The following KAZN variants were observed in gnomAD, a reference collection of about 807,000 sequenced individuals.
KAZN encodes kazrin.
Under a neutral mutation model 87.4 loss-of-function variants are expected in KAZN, and 40 were observed. The ratio of observed to expected loss-of-function variants is 0.46; its 90% CI spans 0.36 to 0.60. The LOEUF (loss-of-function observed/expected upper bound fraction) is 0.60. Ranked by LOEUF, KAZN falls within the 20% of genes least tolerant of loss-of-function variation. The pLI is 0.00. For synonymous variants in KAZN, 466 were observed against 458.3 expected (o/e 1.02, Z -0.22); for missense variants, 898 against 1,073.9 (o/e 0.84, Z 2.29).
At chr1:14,182,295 T>C (rs1557543128) in intron 2 of KAZN, among the ~76,000 whole-genome samples, 1 of 152,176 alleles carries the variant, frequency 6.6e-6, no homozygotes, top group African/African-American at 2.4e-5. Flanking sequence ...TTACATCTTC[T>C]TCCTCTTTCC....
At chr1:14,665,015 A>G (rs1421121843) in intron 1 of KAZN, among the ~76,000 whole-genome samples, 1 of 152,176 alleles carries the variant, frequency 6.6e-6, no homozygotes, top group Non-Finnish European at 1.5e-5. Context: ...AGTGTTTGAG[A>G]ACCAACAGCA....
At chr1:14,353,302 G>T (rs1054744811) in intron 2 of KAZN, among the ~76,000 whole-genome samples, 1 of 148,976 alleles carries the variant, frequency 6.7e-6, no homozygotes, top group African/African-American at 2.5e-5. Context: ...TTGGCTCACT[G>T]CAAGCTCTGC....
intron 2 of KAZN, among the ~76,000 whole-genome samples, chr1:14,482,681 T>A (rs1669146354): frequency 6.6e-6 from 1 of 151,478 alleles, no homozygotes; most frequent in Non-Finnish European, 1.5e-5. Context: ...GGGTGAGGGG[T>A]CTTTATGGAG....
At position 14,720,760 on chromosome 1, in the gene KAZN, A is replaced by G. The variant is rs527378409; in HGVS notation, c.226+121537A>G. On this transcript the variant is annotated intron_variant, in intron 1 of 14. Coordinates refer to ENST00000376030, the MANE Select transcript of KAZN (RefSeq NM_201628.3). ...GAGATGGAGTCTCACTCTGTCGCCC[A>G]GGCTGGAGTGCAGTGGCAGGATCTT... is the stretch of plus-strand genomic sequence containing the variant. 2.6e-5 allele frequency among the ~76,000 whole-genome samples: 4 copies of G among 152,244 alleles called. No individual in the cohort carries two copies. In the East Asian group the frequency reaches 7.7e-4, roughly 29 times the overall value.
intron 13 of KAZN, among the ~76,000 whole-genome samples, chr1:15,110,890 T>C (rs1227116428): frequency 6.6e-6 from 1 of 152,198 alleles, no homozygotes; most frequent in Non-Finnish European, 1.5e-5. Flanking sequence ...CTCCCAGGCT[T>C]ATTTGACTGC....
Position 14,038,764 on chromosome 1 carries a change from C to T in KAZN, c.92-141671C>T, listed in dbSNP as rs74985480. The stretch of plus-strand genomic sequence containing the variant: ...AGGAATCCATGGAAGCAGTGCAAAG[C>T]GAAGCATGGAGTTGAAAATGAGATA... On this transcript the variant is annotated intron_variant, in intron 1 of 16. Transcript: ENST00000636203. 7.9e-3 allele frequency among the ~76,000 whole-genome samples: 1,202 copies of T among 152,240 alleles called. 67 individuals are homozygous for T. The East Asian group carries it at 0.14, about 17-fold the overall frequency.
chr1:14,557,643 T>TGG (rs1340361520), intron 2 of KAZN, among the ~76,000 whole-genome samples: 1 of 143,370 alleles, frequency 7.0e-6, no homozygotes, highest in Admixed American at 7.2e-5. Flanking sequence ...TGTGTGTGTG[T>TGG]GTGTGTGTGT....
intron 1 of KAZN, among the ~76,000 whole-genome samples, chr1:14,093,908 C>G (rs1644065193): frequency 6.6e-6 from 1 of 152,072 alleles, no homozygotes; most frequent in Non-Finnish European, 1.5e-5. Context: ...CCTAGCAAGG[C>G]CTGTCTGTTC....
intron 1 of KAZN, among the ~76,000 whole-genome samples, chr1:14,014,295 G>A (rs1438627288): frequency 2.0e-5 from 3 of 152,024 alleles, no homozygotes; most frequent in East Asian, 1.9e-4. Context: ...CATCTAAGTC[G>A]CCTAGACCAG....
rs1460966448 is a variant in KAZN, at chr1:14,735,910, G to A, written c.226+136687G>A. On this transcript the variant is annotated intron_variant, in intron 1 of 14. Coordinates refer to ENST00000376030, the MANE Select transcript of KAZN (RefSeq NM_201628.3). This position sits in a 1 kb window ranked among gnomAD's most constrained non-coding sequence, Gnocchi z 4.3. ...GAGGTTGGTGACAATCTCCACCTGT[G>A]GCCATAGAAGAATAAAAGCTTTGGG... Among the ~76,000 whole-genome samples the A allele has an allele frequency of 2.0e-5, 3 of 152,152 alleles. No individual in the cohort carries two copies. Among genetic ancestry groups the A allele is most frequent in the African/African-American group, 4.8e-5 (2 of 41,424 alleles).
intron 2 of KAZN, among the ~76,000 whole-genome samples, chr1:14,588,800 T>G (rs919798790): frequency 6.6e-6 from 1 of 152,214 alleles, no homozygotes; most frequent in African/African-American, 2.4e-5. Context: ...TCTGCAGGAC[T>G]CCCTCGGGGT....
chr1:14,696,164 A>G (rs965725786), intron 1 of KAZN, among the ~76,000 whole-genome samples: 112 of 152,112 alleles, frequency 7.4e-4, no homozygotes, highest in African/African-American at 2.7e-3. Flanking sequence ...CCCTTTATTC[A>G]TCCTGAAAGT....
intron 2 of KAZN, among the ~76,000 whole-genome samples, chr1:14,205,450 C>G (rs1160021070): frequency 6.6e-6 from 1 of 152,086 alleles, no homozygotes; most frequent in Non-Finnish European, 1.5e-5. Flanking sequence ...TTGTTCCATG[C>G]CCTAGCCTGC....
chr1:14,887,698 G>A lies in KAZN; in HGVS notation c.227-72986G>A, dbSNP rs79760077. On this transcript the variant is annotated intron_variant, in intron 1 of 14. Transcript: ENST00000376030. ...TTTTTTTTTTGCGGTCGTGCTCCCA[G>A]GGAACCGGAGAAGGGATTTTTCAGG... Among the ~76,000 whole-genome samples, 1,291 of 148,180 alleles carry A rather than the reference G, an allele frequency of 8.7e-3. 21 individuals carry two copies. The highest frequency in any genetic ancestry group is 0.031 in the African/African-American group (1,235 of 39,672).
At chr1:14,188,236 T>TGA (rs1553141876) in intron 2 of KAZN, among the ~76,000 whole-genome samples, 5 of 139,204 alleles carry the variant, frequency 3.6e-5, no homozygotes, top group African/African-American at 7.8e-5. Flanking sequence ...TGTGTGTGTG[T>TGA]GAAAGAGAAG....
chr1:13,934,681 A>G (rs998122549), intron 1 of KAZN, among the ~76,000 whole-genome samples: 1 of 152,004 alleles, frequency 6.6e-6, no homozygotes, highest in African/African-American at 2.4e-5. Flanking sequence ...TGCCTGTTGA[A>G]ACCCTTTCTA....
chr1:14,850,694 G>C (rs1209742817), intron 1 of KAZN, among the ~76,000 whole-genome samples: 1 of 152,126 alleles, frequency 6.6e-6, no homozygotes, highest in Non-Finnish European at 1.5e-5. Context: ...GCACAGACCA[G>C]GCCAGCAGAA....
chr1:14,068,602 A>G (rs1643111800), intron 1 of KAZN, among the ~76,000 whole-genome samples: 1 of 152,152 alleles, frequency 6.6e-6, no homozygotes, highest in Non-Finnish European at 1.5e-5. Context: ...TTGGGGACTG[A>G]GTAGGGTGCA....
intron 1 of KAZN, among the ~76,000 whole-genome samples, chr1:13,965,603 A>C (rs1419084787): frequency 6.6e-6 from 1 of 152,136 alleles, no homozygotes; most frequent in Non-Finnish European, 1.5e-5. Context: ...CAAGACTGGG[A>C]GCTTCCTGAA....
Sources: allele counts gnomAD v4.1 joint callset (sites outside exome capture counted in the v4.1 genomes callset), GRCh38; gene constraint gnomAD v4.1.1; non-coding constraint Gnocchi (gnomAD v3.1); transcripts MANE v1.5; gene names NCBI Gene and HGNC (gene_info 2026-07-23, HGNC 2026-07-21).